PCDHA9: variants seen among roughly 807,000 people sequenced by gnomAD.
The protein encoded by PCDHA9 is protocadherin alpha-9.
A neutral mutation model predicts 62.0 loss-of-function variants in PCDHA9; 62 were observed. The observed-to-expected ratio is 1.00, with a 90% CI of 0.81 to 1.23. The LOEUF is 1.23. Among genes scored for constraint, PCDHA9 ranks in the 50% most tolerant of loss-of-function variants. The probability of loss-of-function intolerance (pLI) is 0.00; values close to 1 mark genes in which losing one functional copy is unlikely to be tolerated. For synonymous variants in PCDHA9, 557 were observed against 567.6 expected (o/e 0.98, Z 0.27); for missense variants, 1,205 against 1,249.8 (o/e 0.96, Z 0.54).
rs781915766 is a variant in PCDHA9, at chr5:140,869,999, G to C, written c.2394+19110G>C. Reference sequence around the variant, plus strand: ...TTATTTACACTAGATCAAAATAATGGAGAAGTGAGGGTCAATGGAACTTTA... The same window carrying C: ...TTATTTACACTAGATCAAAATAATGCAGAAGTGAGGGTCAATGGAACTTTA... On this transcript the variant is annotated intron_variant, in intron 1 of 3. Coordinates refer to ENST00000532602, the MANE Select transcript of PCDHA9 (RefSeq NM_031857.2). The C allele has an allele frequency of 3.7e-6, 6 of 1,613,396 alleles. No individual in the cohort carries two copies. In the South Asian group the frequency reaches 6.6e-5, roughly 18 times the overall value.
At chr5:140,909,927 TCA>T (rs781847647) in intron 1 of PCDHA9, among the ~76,000 whole-genome samples, 6 of 152,150 alleles carry the variant, frequency 3.9e-5, no homozygotes, top group African/African-American at 9.7e-5. Flanking sequence ...CTTTCCCCAA[TCA>T]CAGTTACTCT....
intron 1 of PCDHA9, among the ~76,000 whole-genome samples, chr5:140,960,137 T>C (rs2095528767): frequency 6.6e-6 from 1 of 152,232 alleles, no homozygotes; most frequent in African/African-American, 2.4e-5. Flanking sequence ...AATACTTAGA[T>C]ATTAATAGCT....
At chr5:140,870,952 T>G in intron 1 of PCDHA9, 4 of 1,613,610 alleles carry the variant, frequency 2.5e-6, no homozygotes, top group Non-Finnish European at 3.4e-6. Flanking sequence ...GGCGGGCGGC[T>G]CGCGCATCCC....
intron 1 of PCDHA9, chr5:140,867,950 C>G (rs2050209580): frequency 1.3e-5 from 2 of 152,002 alleles, no homozygotes; most frequent in Non-Finnish European, 2.9e-5. Context: ...ACTTCTGCTC[C>G]CAAACCCAAA....
chr5:140,870,443 T>G (rs1207012137), intron 1 of PCDHA9: 1 of 1,614,094 alleles, frequency 6.2e-7, no homozygotes, highest in Non-Finnish European at 8.5e-7. Flanking sequence ...GTGGCCGACG[T>G]GAACGACAAT....
chr5:140,966,645 C>T (rs369620766), intron 1 of PCDHA9: 7 of 1,125,658 alleles, frequency 6.2e-6, no homozygotes, highest in Non-Finnish European at 8.2e-6. Flanking sequence ...CTTTCTAGAG[C>T]GTGAGCGGTG....
intron 1 of PCDHA9, among the ~76,000 whole-genome samples, chr5:140,890,263 A>G (rs1357896634): frequency 6.6e-6 from 1 of 152,194 alleles, no homozygotes; most frequent in Admixed American, 6.5e-5. Flanking sequence ...ACCTGATTGC[A>G]AGCAAGAACC....
At chr5:140,900,957 A>C (rs1264192105) in intron 1 of PCDHA9, among the ~76,000 whole-genome samples, 1 of 152,206 alleles carries the variant, frequency 6.6e-6, no homozygotes, top group African/African-American at 2.4e-5. Flanking sequence ...TCTGATTATC[A>C]GTGATGTTGA....
At chr5:140,880,009 T>C (rs2058206618) in intron 1 of PCDHA9, among the ~76,000 whole-genome samples, 1 of 152,232 alleles carries the variant, frequency 6.6e-6, no homozygotes, top group African/African-American at 2.4e-5. Context: ...TTATTCACCA[T>C]ATAAAGTAAA....
chr5:140,914,982 T>C (rs1411265179), intron 1 of PCDHA9, among the ~76,000 whole-genome samples: 1 of 149,996 alleles, frequency 6.7e-6, no homozygotes, highest in Non-Finnish European at 1.5e-5. Context: ...AGTCTTGCTC[T>C]GCTACCAGGC....
At chr5:140,871,466 A>T in intron 1 of PCDHA9, 1 of 1,603,050 alleles carries the variant, frequency 6.2e-7, no homozygotes. Flanking sequence ...GGGGAAAGAC[A>T]GGAGCCAGGG....
intron 1 of PCDHA9, among the ~76,000 whole-genome samples, chr5:140,902,728 C>T (rs1280424808): frequency 6.6e-6 from 1 of 151,858 alleles, no homozygotes; most frequent in Non-Finnish European, 1.5e-5. Flanking sequence ...ACCCTTCCCT[C>T]CAAGTCCCCC....
chr5:140,928,217 C>T, intron 1 of PCDHA9: 2 of 1,614,212 alleles, frequency 1.2e-6, no homozygotes, highest in Non-Finnish European at 1.7e-6. Flanking sequence ...AATGACAATA[C>T]ACCAAACTTT....
At chr5:140,917,699 A>G (rs980073163) in intron 1 of PCDHA9, among the ~76,000 whole-genome samples, 1 of 152,058 alleles carries the variant, frequency 6.6e-6, no homozygotes, top group Non-Finnish European at 1.5e-5. Flanking sequence ...AGATCAGATA[A>G]TTGTAGGTGT....
chr5:140,971,236 G>A (rs1384010579), intron 1 of PCDHA9, among the ~76,000 whole-genome samples: 2 of 152,088 alleles, frequency 1.3e-5, no homozygotes, highest in East Asian at 3.9e-4. Flanking sequence ...AAAGCTTGGG[G>A]CAATTTGATA....
chr5:140,860,216 T>G (rs1554153148), intron 1 of PCDHA9: 1 of 150,178 alleles, frequency 6.7e-6, no homozygotes, highest in Admixed American at 6.6e-5. Context: ...TATGTACTTA[T>G]GTATATATAA....
At chr5:140,979,908 TAA>T (rs782196172) in intron 2 of PCDHA9, among the ~76,000 whole-genome samples, 3 of 152,250 alleles carry the variant, frequency 2.0e-5, no homozygotes, top group Non-Finnish European at 4.4e-5. Context: ...GATCAGTTCG[TAA>T]AGAGAAAGCC....
chr5:140,883,868 C>G lies in PCDHA9; in HGVS notation c.2394+32979C>G, dbSNP rs782022578. ...CGAGGAGCTGGAGCTGTTGCAGTTC[C>G]AGGTGAGCGCGCGCGACTCTGGCGT... On this transcript the variant is annotated intron_variant, in intron 1 of 3. Coordinates refer to ENST00000532602, the MANE Select transcript of PCDHA9 (RefSeq NM_031857.2). 9.9e-6 allele frequency: 16 copies of G among 1,613,048 alleles called. No homozygotes were observed. The Admixed American group carries it at 2.5e-4, about 25-fold the overall frequency.
chr5:140,909,837 A>G (rs1385622846), intron 1 of PCDHA9, among the ~76,000 whole-genome samples: 3 of 152,190 alleles, frequency 2.0e-5, no homozygotes, highest in Non-Finnish European at 4.4e-5. Context: ...CTGGAGGACC[A>G]CCAGGACGTT....
Sources: allele counts gnomAD v4.1 joint callset (sites outside exome capture counted in the v4.1 genomes callset), GRCh38; gene constraint gnomAD v4.1.1; transcripts MANE v1.5; gene names NCBI Gene and HGNC (gene_info 2026-07-23, HGNC 2026-07-21).